Variants in MYO9B observed in about 807,000 individuals in gnomAD.
MYO9B encodes unconventional myosin-IXb.
MYO9B carries 71 observed loss-of-function variants against 229.5 expected under a neutral mutation model. The ratio of observed to expected loss-of-function variants is 0.31; its 90% CI spans 0.26 to 0.38. The LOEUF is 0.38. Ranked by LOEUF, MYO9B falls within the 10% of genes least tolerant of loss-of-function variation. MYO9B has a pLI of 1.00. For missense variants in MYO9B, 2,255 were observed against 2,920.5 expected (o/e 0.77, Z 5.25); for synonymous variants, 1,185 against 1,235.8 (o/e 0.96, Z 0.86).
chr19:17,172,301 T>C lies in MYO9B; in HGVS notation c.1794-35T>C, dbSNP rs761843266. ...TACACAGCAGGTAAATCAGCCGCTG[T>C]TCATGCCTGCAAAGGTTCCATGTTC... On this transcript the variant is annotated intron_variant, in intron 11 of 39. Transcript: ENST00000682292. This position sits in a 1 kb window ranked among gnomAD's most constrained non-coding sequence, Gnocchi z 8.2. 1.9e-6 allele frequency: 3 copies of C among 1,611,988 alleles called. No individual in the cohort carries two copies. Among genetic ancestry groups the C allele is most frequent in the Non-Finnish European group, 1.7e-6 (2 of 1,178,654 alleles).
intron 2 of MYO9B, among the ~76,000 whole-genome samples, chr19:17,137,392 T>C: frequency 6.6e-6 from 1 of 152,058 alleles, no homozygotes; most frequent in African/African-American, 2.4e-5. Flanking sequence ...TGAGACCCTG[T>C]CTCCCTGTCT....
At chr19:17,191,678 T>TA (rs35978447) in intron 20 of MYO9B, among the ~76,000 whole-genome samples, 1 of 152,038 alleles carries the variant, frequency 6.6e-6, no homozygotes, top group East Asian at 1.9e-4. Context: ...TCACCTGGTG[T>TA]AAAAAATTCC....
At chr19:17,204,088 G>A (rs1362664537) in intron 30 of MYO9B, among the ~76,000 whole-genome samples, 2 of 151,852 alleles carry the variant, frequency 1.3e-5, no homozygotes, top group African/African-American at 2.4e-5. Flanking sequence ...TTTCAGCCCA[G>A]AAGGCAGCCC....
chr19:17,209,955 AGCC>A (rs2145524091), intron 36 of MYO9B, among the ~76,000 whole-genome samples: 1 of 152,240 alleles, frequency 6.6e-6, no homozygotes, highest in African/African-American at 2.4e-5. Context: ...GGCCACAACC[AGCC>A]TGGCTGGGGC....
In MYO9B at chr19:17,209,660, C is replaced by T; in HGVS notation, c.5699C>T (p.Ala1900Val). The T allele has an allele frequency of 6.2e-7, 1 of 1,612,676 alleles. No homozygotes were observed. The highest frequency in any genetic ancestry group is 1.1e-5 in the South Asian group (1 of 90,774). Residue 1900 changes from alanine to valine, a missense_variant, in exon 36 of 40, where the codon GCT becomes GTT. Coordinates refer to ENST00000682292, the MANE Select transcript of MYO9B (RefSeq NM_004145.4). Reference protein sequence around the residue: ...VKMEEISQLEAAESIAFRRLS... With the variant: ...VKMEEISQLEVAESIAFRRLS... ...ATGGAGGAGATCAGCCAACTGGAGG[C>T]TGCAGAGAGTATCGCCTTCCGCAGG...
intron 3 of MYO9B, among the ~76,000 whole-genome samples, chr19:17,146,569 G>T (rs189890013): frequency 6.6e-6 from 1 of 151,214 alleles, no homozygotes; most frequent in Admixed American, 6.6e-5. Flanking sequence ...ATAGATAGAT[G>T]GATTCATGGG....
rs560727326 is a variant in MYO9B, at chr19:17,124,821, A to G, written c.841-20576A>G. Among the ~76,000 whole-genome samples, 6 of 152,050 alleles carry G rather than the reference A, an allele frequency of 3.9e-5. No individual in the cohort carries two copies. In the East Asian group the frequency reaches 1.2e-3, roughly 29 times the overall value. On this transcript the variant is annotated intron_variant, in intron 2 of 39. Coordinates refer to ENST00000682292, the MANE Select transcript of MYO9B (RefSeq NM_004145.4). ...ATTGCAGGTTTTCTAAAAATCAGTG[A>G]CAAACACCCGTATGTTATCAGAATC...
chr19:17,152,833 A>G (rs2072493840), intron 4 of MYO9B, 127 bp downstream of exon 4: 1 of 780,966 alleles, frequency 1.3e-6, no homozygotes, highest in African/African-American at 1.7e-5. Context: ...GGAGGCTCTC[A>G]CAGGAGCAGG....
Position 17,193,182 on chromosome 19 carries a change from C to A in MYO9B, c.3128+120C>A. ...CACTAAGGGGATGTCATTCTGGACACAGGGAAAGGCTGGTGGGAAACCAGA... is the reference window on the plus strand; with the variant it reads ...CACTAAGGGGATGTCATTCTGGACAAAGGGAAAGGCTGGTGGGAAACCAGA... On this transcript the variant is annotated intron_variant, in intron 21 of 39. Transcript: ENST00000682292. This position sits in a 1 kb window ranked among gnomAD's most constrained non-coding sequence, Gnocchi z 4.3. 1 of 1,160,246 alleles carries A rather than the reference C, an allele frequency of 8.6e-7. No homozygotes were observed. The highest frequency in any genetic ancestry group is 1.2e-6 in the Non-Finnish European group (1 of 869,544). The allele number at this position is 1,160,246 out of a possible 1,614,324, so 71.9% of individuals were successfully genotyped here.
Position 17,130,619 on chromosome 19 carries a change from C to CA in MYO9B, c.841-14763dup, listed in dbSNP as rs879710104. 4.3e-3 allele frequency among the ~76,000 whole-genome samples: 478 copies of CA among 110,206 alleles called. 2 individuals are homozygous for CA. Among genetic ancestry groups the CA allele is most frequent in the Middle Eastern group, 0.016 (3 of 186 alleles). 72.3% of individuals were successfully genotyped at this position (110,206 alleles called of 152,430 possible). On this transcript the variant is annotated intron_variant, in intron 2 of 39. Coordinates refer to ENST00000682292, the MANE Select transcript of MYO9B (RefSeq NM_004145.4). ...TGGGTGACAGAGCGAGACTCCGTCT[C>CA]AAAAAAAAAAAAAAATTAACCAGGC...
At chr19:17,142,133 T>C (rs2072348230) in intron 2 of MYO9B, among the ~76,000 whole-genome samples, 1 of 148,274 alleles carries the variant, frequency 6.7e-6, no homozygotes, top group Non-Finnish European at 1.5e-5. Flanking sequence ...GAGCTATGAT[T>C]ACACCACTGG....
intron 2 of MYO9B, among the ~76,000 whole-genome samples, chr19:17,124,065 T>G (rs1310306070): frequency 1.3e-5 from 2 of 152,082 alleles, no homozygotes; most frequent in African/African-American, 4.8e-5. Context: ...ATTTTTGTAT[T>G]GTTTGTAGAG....
Position 17,090,053 on chromosome 19 carries a change from T to C in MYO9B, c.-58-11607T>C, listed in dbSNP as rs573268924. Among the ~76,000 whole-genome samples the C allele has an allele frequency of 9.2e-5, 14 of 151,908 alleles. No individual in the cohort carries two copies. The East Asian group carries it at 2.7e-3, about 29-fold the overall frequency. On this transcript the variant is annotated intron_variant, in intron 1 of 39. Coordinates refer to ENST00000682292, the MANE Select transcript of MYO9B (RefSeq NM_004145.4). Reference sequence around the variant, plus strand: ...CCCCATATGGTCTTTCGTGTCTGACTTCTCTCACTCAGCATCATGTTTTTT... The same window carrying C: ...CCCCATATGGTCTTTCGTGTCTGACCTCTCTCACTCAGCATCATGTTTTTT...
Position 17,212,627 on chromosome 19 carries a change from A to G in MYO9B, c.*317A>G. 2.7e-6 allele frequency: 1 copy of G among 368,018 alleles called. No homozygotes were observed. The highest frequency in any genetic ancestry group is 4.9e-6 in the Non-Finnish European group (1 of 204,954). The allele number at this position is 368,018 out of a possible 1,614,324, so 22.8% of individuals were successfully genotyped here. ...CTTTGTACGTGGTTTACGTAACTTT[A>G]AACTGTAACAGCCTTAATGGAAGAC... On this transcript the variant is annotated 3_prime_UTR_variant, in exon 40 of 40. Transcript: ENST00000682292. The surrounding 1 kb of genome is among the most constrained non-coding windows in gnomAD (Gnocchi z 5.4).
chr19:17,083,645 C>CT (rs5827358), intron 1 of MYO9B, among the ~76,000 whole-genome samples: 12,634 of 121,118 alleles, frequency 0.1, 845 homozygotes, highest in Non-Finnish European at 0.15. Flanking sequence ...ATGCTGCCCT[C>CT]TTTTTTTTTT....
chr19:17,202,024 G>C lies in MYO9B; in HGVS notation c.4662G>C (p.Pro1554=), dbSNP rs199859442. Residue 1554 remains proline (P), a splice_region_variant and synonymous_variant, in exon 27 of 40, where the codon CCG becomes CCC. Coordinates refer to ENST00000682292, the MANE Select transcript of MYO9B (RefSeq NM_004145.4). ...ACATCAAAACGATGTACTCTGTCCC[G>C]GTATGTGGCGGCCCGGCCTTCAGCC... is the stretch of plus-strand genomic sequence containing the variant. The part of the protein sequence containing the change: ...RSNIKTMYSV[P]NGKIHVGYKD... 28 of 1,611,646 alleles carry C rather than the reference G, an allele frequency of 1.7e-5. No individual in the cohort carries two copies. The highest frequency in any genetic ancestry group is 2.4e-5 in the Non-Finnish European group (28 of 1,179,152).
rs869297825 is a variant in MYO9B at position 17,134,381 on chromosome 19, GTTTTTTTTTT to G, written c.841-10997_841-10988del. ...CTTTGTTTTTTTTTTCGTTTTGTTT[GTTTTTTTTTT>G]TTTTTTTTTTTTTTTTTTGAGACAG... is the stretch of plus-strand genomic sequence containing the variant. On this transcript the variant is annotated intron_variant, in intron 2 of 39. Transcript: ENST00000682292. 8.6e-5 allele frequency among the ~76,000 whole-genome samples: 4 copies of G among 46,472 alleles called. No homozygotes were observed. In the South Asian group the frequency reaches 4.2e-3, roughly 48 times the overall value. The allele number at this position is 46,472 out of a possible 152,430, so 30.5% of individuals were successfully genotyped here.
At chr19:17,157,093 C>T in intron 7 of MYO9B, 55 bp downstream of exon 7, 1 of 1,580,628 alleles carries the variant, frequency 6.3e-7, no homozygotes, top group Non-Finnish European at 8.6e-7. Context: ...CGCTGGCTAT[C>T]TCTCAGTACG....
rs2072780027 is a variant in MYO9B, at chr19:17,175,760, T to G, written c.2219+19T>G. The G allele has an allele frequency of 1.3e-6, 2 of 1,556,458 alleles. No individual in the cohort carries two copies. The highest frequency in any genetic ancestry group is 2.7e-5 in the African/African-American group (2 of 73,228). On this transcript the variant is annotated intron_variant, in intron 14 of 39. Coordinates refer to ENST00000682292, the MANE Select transcript of MYO9B (RefSeq NM_004145.4). Reference sequence around the variant, plus strand: ...TTTACCGGTGAGCAAGACCCTGATTTGCCCAAACTGAAATCATTAGGTGGC... The same window carrying G: ...TTTACCGGTGAGCAAGACCCTGATTGGCCCAAACTGAAATCATTAGGTGGC...
Sources: allele counts gnomAD v4.1 joint callset (sites outside exome capture counted in the v4.1 genomes callset), GRCh38; gene constraint gnomAD v4.1.1; non-coding constraint Gnocchi (gnomAD v3.1); transcripts MANE v1.5; gene names NCBI Gene and HGNC (gene_info 2026-07-23, HGNC 2026-07-21).